The following FRY variants were observed in gnomAD, a reference collection of about 807,000 sequenced individuals.
FRY encodes FRY microtubule binding protein.
FRY carries 128 observed loss-of-function variants against 348.4 expected under a neutral mutation model. The observed-to-expected ratio is 0.37, with a 90% CI of 0.32 to 0.43. The LOEUF is 0.43. FRY is among the 20% of genes least tolerant of loss of function. The probability of loss-of-function intolerance (pLI) is 1.00; values close to 1 mark genes in which losing one functional copy is unlikely to be tolerated. For synonymous variants in FRY, 1,370 were observed against 1,374.7 expected (o/e 1.00, Z 0.08); for missense variants, 2,736 against 3,695.2 (o/e 0.74, Z 6.73).
chr13:32,274,596 C>A (rs959919036), intron 55 of FRY, among the ~76,000 whole-genome samples: 1 of 147,300 alleles, frequency 6.8e-6, no homozygotes, highest in Non-Finnish European at 1.5e-5. Flanking sequence ...CCCAGCTACT[C>A]GGGAGGCTGA....
intron 1 of FRY, among the ~76,000 whole-genome samples, chr13:32,055,386 T>A (rs564292978): frequency 5.1e-4 from 77 of 152,152 alleles, no homozygotes; most frequent in Admixed American, 9.2e-4. Flanking sequence ...TTCCTCTACG[T>A]GGGAGGATGG....
At chr13:32,238,994 A>G (rs1886365993) in intron 44 of FRY, among the ~76,000 whole-genome samples, 2 of 152,248 alleles carry the variant, frequency 1.3e-5, no homozygotes, top group South Asian at 4.1e-4. Flanking sequence ...CATCTGGGCC[A>G]GCCATCCTTA....
rs761218690 is a variant in FRY at position 32,155,581 on chromosome 13, G to A, written c.1570G>A (p.Val524Ile). ...ACCTCCCATGCCGGTTACAGGAGCC[G>A]TTCTTCCTTCAGGAAACACGTTAAG... is the stretch of plus-strand genomic sequence containing the variant. The part of the protein sequence containing the change: ...GEPPMPVTGA[V>I]LPSGNTLRVK... Residue 524 changes from valine (V) to isoleucine (I), a missense_variant, in exon 15 of 61, where the codon GTT becomes ATT. Coordinates refer to ENST00000542859, the MANE Select transcript of FRY (RefSeq NM_023037.3). 3.7e-6 allele frequency: 6 copies of A among 1,613,248 alleles called. No homozygotes were observed. In the African/African-American group the frequency reaches 4.0e-5, roughly 11 times the overall value.
rs1380610752 is a variant in FRY at position 32,294,095 on chromosome 13, C to T, written c.8581-273C>T. 2.6e-5 allele frequency among the ~76,000 whole-genome samples: 4 copies of T among 152,204 alleles called. No individual in the cohort carries two copies. In the East Asian group the frequency reaches 7.7e-4, roughly 29 times the overall value. On this transcript the variant is annotated intron_variant, in intron 59 of 60. Transcript: ENST00000542859. ...TACTCTTTCCTTCTGTATTTATTCC[C>T]TATTTAAGTCTAACTTAAATAGAAC... is the stretch of plus-strand genomic sequence containing the variant.
intron 1 of FRY, among the ~76,000 whole-genome samples, chr13:32,058,734 G>A (rs910053951): frequency 3.3e-5 from 5 of 152,184 alleles, no homozygotes; most frequent in African/African-American, 1.2e-4. Flanking sequence ...AAAGGTGACT[G>A]CACTCTGGAA....
intron 23 of FRY, among the ~76,000 whole-genome samples, chr13:32,181,504 G>T (rs896990127): frequency 1.4e-5 from 2 of 139,210 alleles, no homozygotes; most frequent in African/African-American, 5.3e-5. Context: ...TGAGGCAGGA[G>T]AATAGCTTGA....
At chr13:32,267,439 C>A in intron 55 of FRY, 80 bp downstream of exon 55, 1 of 1,243,012 alleles carries the variant, frequency 8.0e-7, no homozygotes, top group Non-Finnish European at 1.2e-6. Context: ...AGAGGTTGTT[C>A]TTCTGTTCTG....
At chr13:32,187,162 G>C (rs933339405) in intron 27 of FRY, among the ~76,000 whole-genome samples, 1 of 151,764 alleles carries the variant, frequency 6.6e-6, no homozygotes, top group Non-Finnish European at 1.5e-5. Context: ...AATATTTGTC[G>C]TAAAAGCAAA....
chr13:32,079,769 T>G (rs1875356521), intron 2 of FRY, among the ~76,000 whole-genome samples: 1 of 152,164 alleles, frequency 6.6e-6, no homozygotes. Context: ...TTCAGATTAC[T>G]TGTTTTCTAA....
chr13:32,218,467 T>C (rs535461564), intron 35 of FRY, among the ~76,000 whole-genome samples: 32 of 152,100 alleles, frequency 2.1e-4, no homozygotes, highest in African/African-American at 7.5e-4. Context: ...GATCACGAGG[T>C]CAGGAGATCG....
At chr13:32,081,485 C>T (rs1875490571) in intron 2 of FRY, among the ~76,000 whole-genome samples, 1 of 152,108 alleles carries the variant, frequency 6.6e-6, no homozygotes, top group Non-Finnish European at 1.5e-5. Context: ...CCACCACACC[C>T]AGCTAATTTT....
At chr13:32,273,273 G>C (rs1160818086) in intron 55 of FRY, among the ~76,000 whole-genome samples, 4 of 148,106 alleles carry the variant, frequency 2.7e-5, no homozygotes, top group Non-Finnish European at 1.5e-5. Flanking sequence ...CCAGGCTGGA[G>C]TGCAGTGGCG....
chr13:32,262,490 A>C lies in FRY; in HGVS notation c.7779+15A>C, dbSNP rs758058875. 1 of 1,603,668 alleles carries C rather than the reference A, an allele frequency of 6.2e-7. No individual in the cohort carries two copies. The highest frequency in any genetic ancestry group is 2.2e-5 in the East Asian group (1 of 44,830). On this transcript the variant is annotated intron_variant, in intron 53 of 60. Coordinates refer to ENST00000542859, the MANE Select transcript of FRY (RefSeq NM_023037.3). ...AGGGTTCAAAGGTGAAGAGATTTTAACAATGATGATTTGTACTTCCCTTAA... is the reference window on the plus strand; with the variant it reads ...AGGGTTCAAAGGTGAAGAGATTTTACCAATGATGATTTGTACTTCCCTTAA...
At chr13:32,106,885 C>A (rs1877587120) in intron 3 of FRY, among the ~76,000 whole-genome samples, 1 of 152,202 alleles carries the variant, frequency 6.6e-6, no homozygotes, top group African/African-American at 2.4e-5. Flanking sequence ...GTACCTCTTT[C>A]TTTCCCACTG....
intron 29 of FRY, among the ~76,000 whole-genome samples, chr13:32,201,033 T>C (rs767291877): frequency 5.9e-5 from 9 of 152,228 alleles, no homozygotes; most frequent in Non-Finnish European, 8.8e-5. Context: ...GGGCAAATCC[T>C]GTAGTGCTTC....
intron 2 of FRY, among the ~76,000 whole-genome samples, chr13:32,091,247 G>T (rs1469673406): frequency 1.3e-5 from 2 of 152,176 alleles, no homozygotes; most frequent in African/African-American, 2.4e-5. Flanking sequence ...ACTGAGGCAG[G>T]TTATCAAGGG....
chr13:32,098,944 C>T (rs954496645), intron 2 of FRY, among the ~76,000 whole-genome samples: 2 of 151,984 alleles, frequency 1.3e-5, no homozygotes, highest in Non-Finnish European at 2.9e-5. Flanking sequence ...ATTTGTAAGG[C>T]TCTTGGTGAA....
At position 32,237,557 on chromosome 13, in the gene FRY, C is replaced by T; in HGVS notation, c.5989C>T (p.Pro1997Ser). The part of the protein sequence containing the change: ...KFGVIDRSSD[P>S]PRSATLDRIQ... ...TGGTGTCATCGACCGATCCTCTGAC[C>T]CACCTCGAAGTGCCACACTGGACAG... Residue 1997 changes from proline to serine, a missense_variant, in exon 44 of 61, where the codon CCA becomes TCA. Pro to Ser is a moderately conservative substitution (Grantham distance 74). Coordinates refer to ENST00000542859, the MANE Select transcript of FRY (RefSeq NM_023037.3). This position sits in a 1 kb window ranked among gnomAD's most constrained non-coding sequence, Gnocchi z 6.3. 1 of 1,614,062 alleles carries T rather than the reference C, an allele frequency of 6.2e-7. No homozygotes were observed. The highest frequency in any genetic ancestry group is 8.5e-7 in the Non-Finnish European group (1 of 1,179,996).
At chr13:32,156,292 T>G (rs558585) in intron 15 of FRY, among the ~76,000 whole-genome samples, 104,989 of 152,096 alleles carry the variant, frequency 0.69, 36,675 homozygotes, top group East Asian at 0.98. Flanking sequence ...TCTTTAGTTA[T>G]GCAATGTTTA....
Sources: allele counts gnomAD v4.1 joint callset (sites outside exome capture counted in the v4.1 genomes callset), GRCh38; gene constraint gnomAD v4.1.1; non-coding constraint Gnocchi (gnomAD v3.1); transcripts MANE v1.5; gene names NCBI Gene and HGNC (gene_info 2026-07-23, HGNC 2026-07-21).